BAZ2A: variants seen among roughly 807,000 people sequenced by gnomAD.
BAZ2A encodes bromodomain adjacent to zinc finger domain 2A.
In BAZ2A, 34 loss-of-function variants were observed where a neutral mutation model predicts 199.9. That is an observed-to-expected ratio of 0.17 (90% CI 0.13 to 0.23). BAZ2A has a LOEUF of 0.23. Ranked by LOEUF, BAZ2A falls within the 10% of genes least tolerant of loss-of-function variation. The probability of loss-of-function intolerance (pLI) is 1.00; values close to 1 mark genes in which losing one functional copy is unlikely to be tolerated. For synonymous variants in BAZ2A, 857 were observed against 883.9 expected, an observed-to-expected ratio of 0.97 and a Z score of 0.54; for missense variants, 2,002 against 2,391.1, an observed-to-expected ratio of 0.84 and a Z score of 3.39.
intron 16 of BAZ2A, among the ~76,000 whole-genome samples, 189 bp downstream of exon 16, chr12:56,604,028 C>T (rs554408059): frequency 6.4e-4 from 98 of 151,970 alleles, no homozygotes; most frequent in African/African-American, 2.3e-3. Context: ...AAAAAAATTA[C>T]GGGAAACTGG....
intron 15 of BAZ2A, 113 bp downstream of exon 15, chr12:56,604,472 C>G: frequency 7.3e-7 from 1 of 1,365,034 alleles, no homozygotes; most frequent in Non-Finnish European, 9.9e-7. Context: ...ATTCCAGCAT[C>G]TTCAGAACAT....
chr12:56,636,826 C>G (rs1951457307), upstream of BAZ2A: 1 of 153,142 alleles, frequency 6.5e-6, no homozygotes. Context: ...CCAGCACAAG[C>G]AGCTCAGGGG....
rs781363707 is a variant in BAZ2A at position 56,601,947 on chromosome 12, G to A, written c.3670C>T (p.Gln1224Ter). 4 of 1,572,216 alleles carry A rather than the reference G, an allele frequency of 2.5e-6. No individual in the cohort carries two copies. In the East Asian group the frequency reaches 9.5e-5, roughly 37 times the overall value. ...TGGGGCTGGGCAGGAGCATGAAGCT[G>A]AGCCTCAGGCTGAAGCTGGGCCTGG... ...QPQAQLQPEAQLHAPAQPQPQ... is the reference protein window; with the variant it reads ...QPQAQLQPEA The change falls in exon 20 of 29, where the codon CAG becomes TAG. Residue 1224 changes from glutamine to a stop codon, truncating the protein, a stop_gained. Transcript: ENST00000549884. LOFTEE classifies it high-confidence loss of function.
At position 56,635,659 on chromosome 12, in the gene BAZ2A, A is replaced by G. The variant is rs1299685869; in HGVS notation, c.4+523T>C. On this transcript the variant is annotated intron_variant, in intron 1 of 29. Coordinates refer to the BAZ2A transcript ENST00000379441. This position sits in a 1 kb window ranked among gnomAD's most constrained non-coding sequence, Gnocchi z 4.1. The stretch of plus-strand genomic sequence containing the variant: ...TCGACTTTGGTTCAGTTTTCCCCCA[A>G]CCACCACCACCCTTGCTTCAGTCTC... 6.6e-6 allele frequency among the ~76,000 whole-genome samples: 1 copy of G among 152,008 alleles called. No homozygotes were observed. Among genetic ancestry groups the G allele is most frequent in the Non-Finnish European group, 1.5e-5 (1 of 67,992 alleles).
At chr12:56,604,169 G>T in intron 16 of BAZ2A, 48 bp downstream of exon 16, 1 of 1,532,984 alleles carries the variant, frequency 6.5e-7, no homozygotes. Context: ...TGCTTCACCC[G>T]CCCCACTTCT....
rs1951433276 is a variant in BAZ2A at position 56,635,724 on chromosome 12, T to C, written c.4+458A>G. Among the ~76,000 whole-genome samples the C allele has an allele frequency of 1.3e-5, 2 of 152,068 alleles. No homozygotes were observed. Among genetic ancestry groups the C allele is most frequent in the Admixed American group, 6.5e-5 (1 of 15,268 alleles). On this transcript the variant is annotated intron_variant, in intron 1 of 29. Transcript: ENST00000379441. The surrounding 1 kb of genome is among the most constrained non-coding windows in gnomAD (Gnocchi z 4.1). ...GCAGCTGCTCAGTGCAGCCCCCACCTGAAGGTGGGTCAAGGTGGGGGAGGA... is the reference window on the plus strand; with the variant it reads ...GCAGCTGCTCAGTGCAGCCCCCACCCGAAGGTGGGTCAAGGTGGGGGAGGA...
intron 1 of BAZ2A, among the ~76,000 whole-genome samples, chr12:56,627,083 G>A (rs907204507): frequency 1.3e-5 from 2 of 152,194 alleles, no homozygotes; most frequent in African/African-American, 4.8e-5. Flanking sequence ...CTTTAATCTA[G>A]GGATCTTCAT....
Position 56,599,126 on chromosome 12 carries a change from C to A in BAZ2A, c.5402+3G>T. ...CTGTCCCCCCAGGATTCACTCAACTCACTCGCAAAATGTGAGATCACTGTG... is the reference window on the plus strand; with the variant it reads ...CTGTCCCCCCAGGATTCACTCAACTAACTCGCAAAATGTGAGATCACTGTG... On this transcript the variant is annotated splice_donor_region_variant and intron_variant, in intron 27 of 28. Transcript: ENST00000549884. The A allele has an allele frequency of 6.2e-7, 1 of 1,607,950 alleles. No individual in the cohort carries two copies.
chr12:56,638,286 G>A (rs1951485502), upstream of BAZ2A: 3 of 1,559,726 alleles, frequency 1.9e-6, no homozygotes, highest in East Asian at 2.2e-5. Context: ...TTTGGGTTAG[G>A]GGCAAGGAGA....
In BAZ2A at chr12:56,605,289, C is replaced by A; in HGVS notation, c.2532G>T (p.Leu844Phe). 6.2e-7 allele frequency: 1 copy of A among 1,613,422 alleles called. No individual in the cohort carries two copies. The highest frequency in any genetic ancestry group is 8.5e-7 in the Non-Finnish European group (1 of 1,179,596). Reference protein sequence around the residue: ...PDFSRVPGLTLPSGAFSDCLT... With the variant: ...PDFSRVPGLTFPSGAFSDCLT... ...AGCAGTCTGAGAAGGCTCCACTGGG[C>A]AATGTCAGACCAGGGACTCGTGAGA... is the stretch of plus-strand genomic sequence containing the variant. Residue 844 changes from leucine (L) to phenylalanine (F), a missense_variant, in exon 14 of 29, where the codon TTG becomes TTT. Transcript: ENST00000549884.
chr12:56,625,279 C>T (rs1047768720), intron 1 of BAZ2A, among the ~76,000 whole-genome samples: 1 of 151,700 alleles, frequency 6.6e-6, no homozygotes, highest in Non-Finnish European at 1.5e-5. Context: ...CCTCAGCCTC[C>T]CAAGTAGCTG....
intron 7 of BAZ2A, chr12:56,611,328 T>G: frequency 1.8e-6 from 1 of 567,030 alleles, no homozygotes; most frequent in Non-Finnish European, 3.1e-6. Flanking sequence ...CTGGAGCTCC[T>G]TGGGCAAAAT....
intron 2 of BAZ2A, 80 bp downstream of exon 2, chr12:56,617,315 G>A: frequency 5.3e-6 from 7 of 1,331,748 alleles, no homozygotes; most frequent in Non-Finnish European, 6.8e-6. Flanking sequence ...CAGCAAAGTA[G>A]AGCAAAATAT....
rs1200423940 is a variant in BAZ2A, at chr12:56,601,810, A to G, written c.3807T>C (p.Ser1269=). The part of the protein sequence containing the change: ...QHDLSQSAFL[S]WLSQTQSHSS... ...TATGGCTCTGAGTCTGGCTCAGCCA[A>G]GACAGGAAGGCTGACTGGCTGAGGT... Residue 1269 remains serine, a synonymous_variant, in exon 20 of 29, where the codon TCT becomes TCC. Transcript: ENST00000549884. 1 of 1,614,020 alleles carries G rather than the reference A, an allele frequency of 6.2e-7. No individual in the cohort carries two copies. The highest frequency in any genetic ancestry group is 1.7e-5 in the Admixed American group (1 of 60,024).
upstream of BAZ2A, among the ~76,000 whole-genome samples, chr12:56,634,635 G>A (rs139384107): frequency 0.014 from 2,135 of 152,238 alleles, 16 homozygotes; most frequent in Middle Eastern, 0.027. Flanking sequence ...GTTCAGAGGG[G>A]AGGAGGCGAA....
chr12:56,602,762 T>C lies in BAZ2A; in HGVS notation c.3375A>G (p.Val1125=). The C allele has an allele frequency of 1.9e-6, 3 of 1,613,898 alleles. No homozygotes were observed. The highest frequency in any genetic ancestry group is 2.5e-6 in the Non-Finnish European group (3 of 1,179,840). The part of the protein sequence containing the change: ...GQDRYRRRYW[V]LPYLAGIFVE... ...CAAAGATACCAGCCAAATACGGCAATACCCAGTAGCGACGTCTGTAGCGGT... is the reference window on the plus strand; with the variant it reads ...CAAAGATACCAGCCAAATACGGCAACACCCAGTAGCGACGTCTGTAGCGGT... Residue 1125 remains valine (V), a synonymous_variant, in exon 19 of 29, where the codon GTA becomes GTG. Transcript: ENST00000549884.
chr12:56,600,137 C>G, intron 24 of BAZ2A, 41 bp from the exon 25 acceptor site: 1 of 1,612,644 alleles, frequency 6.2e-7, no homozygotes, highest in Non-Finnish European at 8.5e-7. Flanking sequence ...AGGAGCGGAT[C>G]CACTAAAGAG....
rs1950575128 is a variant in BAZ2A at position 56,612,099 on chromosome 12, G to A, written c.1283C>T (p.Ser428Leu). The A allele has an allele frequency of 5.0e-6, 8 of 1,613,866 alleles. No individual in the cohort carries two copies. The highest frequency in any genetic ancestry group is 1.3e-5 in the African/African-American group (1 of 75,006). Residue 428 changes from serine to leucine, a missense_variant, in exon 6 of 29, where the codon TCG becomes TTG. By Grantham distance (145) the Ser-to-Leu change is moderately radical. This residue lies in a region of BAZ2A where 641 missense variants were observed against 694.5 expected (regional missense o/e 0.92). Coordinates refer to ENST00000549884, the MANE Select transcript of BAZ2A (RefSeq NM_001300905.2). ...QLHPATSPAVSPTTSPAVSLV... is the reference protein window; with the variant it reads ...QLHPATSPAVLPTTSPAVSLV... ...GGAGACTGCTGGGGAGGTTGTTGGC[G>A]AGACTGCTGGTGAGGTTGCTGGATG...
chr12:56,619,176 T>G (rs1950824188), intron 1 of BAZ2A, among the ~76,000 whole-genome samples: 1 of 151,208 alleles, frequency 6.6e-6, no homozygotes, highest in Admixed American at 6.6e-5. Context: ...AAACCCTACC[T>G]CTACTAAAAA....
Sources: allele counts gnomAD v4.1 joint callset (sites outside exome capture counted in the v4.1 genomes callset), GRCh38; gene constraint gnomAD v4.1.1; regional missense constraint gnomAD v4.1.1; non-coding constraint Gnocchi (gnomAD v3.1); transcripts MANE v1.5; gene names NCBI Gene and HGNC (gene_info 2026-07-23, HGNC 2026-07-21).